The following BANF2 variants were observed in gnomAD, a reference collection of about 807,000 sequenced individuals.
BANF2 encodes barrier-to-autointegration factor-like protein.
BANF2 carries 4 observed loss-of-function variants against 8.0 expected under a neutral mutation model. That is an observed-to-expected ratio of 0.50 (90% CI 0.25 to 1.14). The LOEUF is 1.14. Ranked by LOEUF, BANF2 falls within the 50% of genes most tolerant of loss-of-function variation. The pLI, the probability that BANF2 is intolerant of heterozygous loss-of-function variation, is 0.16. For synonymous variants in BANF2, 50 were observed against 40.6 expected (o/e 1.23, Z -0.88); for missense variants, 96 against 107.5 (o/e 0.89, Z 0.47).
At chr20:17,718,528 G>A (rs975492915) in intron 1 of BANF2, among the ~76,000 whole-genome samples, 3 of 152,200 alleles carry the variant, frequency 2.0e-5, no homozygotes, top group African/African-American at 4.8e-5. Flanking sequence ...AATGGTGGAA[G>A]AGATGTCCCT....
intron 1 of BANF2, among the ~76,000 whole-genome samples, chr20:17,706,745 G>C (rs1449651650): frequency 6.6e-6 from 1 of 152,234 alleles, no homozygotes; most frequent in African/African-American, 2.4e-5. Context: ...CACTAAGAGA[G>C]GGGTAGCATT....
chr20:17,696,975 G>T (rs1342096619), upstream of BANF2, among the ~76,000 whole-genome samples: 1 of 152,076 alleles, frequency 6.6e-6, no homozygotes, highest in Non-Finnish European at 1.5e-5. Flanking sequence ...TGGTGATGAT[G>T]ATGATAATGG....
chr20:17,706,630 G>A (rs899309538), intron 1 of BANF2, among the ~76,000 whole-genome samples: 2 of 152,338 alleles, frequency 1.3e-5, no homozygotes, highest in African/African-American at 4.8e-5. Context: ...GGATCCTTAA[G>A]TGATGGCAGG....
At chr20:17,708,882 G>A (rs1025647422) in intron 1 of BANF2, among the ~76,000 whole-genome samples, 2 of 152,172 alleles carry the variant, frequency 1.3e-5, no homozygotes, top group African/African-American at 4.8e-5. Context: ...TAAGGAATGC[G>A]TGTATGTTGT....
chr20:17,706,537 T>C (rs2037484547), intron 1 of BANF2, among the ~76,000 whole-genome samples: 1 of 152,204 alleles, frequency 6.6e-6, no homozygotes, highest in Non-Finnish European at 1.5e-5. Context: ...GGGGCTCAGA[T>C]ATGTTCCTAC....
rs1449107505 is a variant in BANF2, at chr20:17,728,570, G to A, written c.126+3419G>A. ...CTTTCAGCTTTTTTTAATGGAGGAT[G>A]TGGGGTGCTGGGAGGGGACTGTTCT... On this transcript the variant is annotated intron_variant, in intron 3 of 3. Coordinates refer to ENST00000246090, the MANE Select transcript of BANF2 (RefSeq NM_178477.5). 2.6e-5 allele frequency among the ~76,000 whole-genome samples: 4 copies of A among 152,138 alleles called. No homozygotes were observed. The South Asian group carries it at 8.3e-4, about 31-fold the overall frequency.
upstream of BANF2, among the ~76,000 whole-genome samples, chr20:17,695,963 A>G (rs2037343672): frequency 6.6e-6 from 1 of 152,184 alleles, no homozygotes; most frequent in East Asian, 1.9e-4. Context: ...TGCTCAGCAT[A>G]ATGTTTTCAA....
At chr20:17,734,675 G>T (rs1034802952) in intron 3 of BANF2, among the ~76,000 whole-genome samples, 1 of 152,200 alleles carries the variant, frequency 6.6e-6, no homozygotes, top group Non-Finnish European at 1.5e-5. Context: ...GGGTCGGGGA[G>T]GGAGGGTGCC....
At chr20:17,697,845 C>A (rs1358074166), upstream of BANF2, among the ~76,000 whole-genome samples, 5 of 152,108 alleles carry the variant, frequency 3.3e-5, no homozygotes, top group Non-Finnish European at 7.4e-5. Flanking sequence ...GGGGGCAGAT[C>A]CCTCATGAAT....
chr20:17,707,334 G>T (rs983347765), intron 1 of BANF2, among the ~76,000 whole-genome samples: 1 of 150,386 alleles, frequency 6.6e-6, no homozygotes, highest in Non-Finnish European at 1.5e-5. Flanking sequence ...AGTGAACCGA[G>T]ATCGCACCAC....
intron 2 of BANF2, 91 bp from the exon 3 acceptor site, chr20:17,724,932 C>G: frequency 7.4e-7 from 1 of 1,345,328 alleles, no homozygotes; most frequent in African/African-American, 1.5e-5. Flanking sequence ...GCCCCAGTCC[C>G]TTGGTGGGCT....
intron 1 of BANF2, among the ~76,000 whole-genome samples, chr20:17,705,173 T>TTGTTACCTCA (rs2037464770): frequency 6.6e-6 from 1 of 152,130 alleles, no homozygotes; most frequent in African/African-American, 2.4e-5. Context: ...GTCATGTGTG[T>TTGTTACCTCA]CCCTGGAGCC....
chr20:17,705,883 T>C (rs2037475040), intron 1 of BANF2, among the ~76,000 whole-genome samples: 1 of 152,234 alleles, frequency 6.6e-6, no homozygotes, highest in African/African-American at 2.4e-5. Context: ...GTCTGGAGTC[T>C]GTGTGTTTTC....
upstream of BANF2, among the ~76,000 whole-genome samples, chr20:17,698,835 G>T (rs988024703): frequency 6.6e-6 from 1 of 152,222 alleles, no homozygotes; most frequent in Non-Finnish European, 1.5e-5. Flanking sequence ...TGAACCCAGA[G>T]AGCTCAGCCA....
chr20:17,733,769 C>G (rs1240508804), intron 3 of BANF2, among the ~76,000 whole-genome samples: 1 of 152,080 alleles, frequency 6.6e-6, no homozygotes. Context: ...TGGCTTTTTT[C>G]TCTTATCAAC....
At chr20:17,698,601 T>G (rs1276696722), upstream of BANF2, among the ~76,000 whole-genome samples, 18 of 152,340 alleles carry the variant, frequency 1.2e-4, no homozygotes. Flanking sequence ...GAGGACATTC[T>G]GCAACTTGCA....
chr20:17,719,859 T>A (rs1476422029), intron 1 of BANF2, among the ~76,000 whole-genome samples: 1 of 152,136 alleles, frequency 6.6e-6, no homozygotes, highest in Non-Finnish European at 1.5e-5. Context: ...GCATGTGCCA[T>A]ATGGCAGCAC....
chr20:17,701,133 C>T (rs2037402795), intron 1 of BANF2, among the ~76,000 whole-genome samples: 1 of 152,128 alleles, frequency 6.6e-6, no homozygotes, highest in African/African-American at 2.4e-5. Flanking sequence ...ACACACAAAT[C>T]CAAGACGCCA....
At chr20:17,706,920 C>T (rs1207229114) in intron 1 of BANF2, among the ~76,000 whole-genome samples, 1 of 152,204 alleles carries the variant, frequency 6.6e-6, no homozygotes, top group African/African-American at 2.4e-5. Flanking sequence ...ATGGAATATA[C>T]AGATCCAAAC....
Sources: allele counts gnomAD v4.1 joint callset (sites outside exome capture counted in the v4.1 genomes callset), GRCh38; gene constraint gnomAD v4.1.1; transcripts MANE v1.5; gene names NCBI Gene and HGNC (gene_info 2026-07-23, HGNC 2026-07-21).